The following FCHSD2 variants were observed in gnomAD, a reference collection of about 807,000 sequenced individuals.
FCHSD2 encodes the protein F-BAR and double SH3 domains protein 2.
FCHSD2 carries 38 observed loss-of-function variants against 108.1 expected under a neutral mutation model. The ratio of observed to expected loss-of-function variants is 0.35; its 90% CI spans 0.27 to 0.46. The LOEUF (loss-of-function observed/expected upper bound fraction) is 0.46, where lower values mean the gene tolerates loss of function less well. FCHSD2 is among the 20% of genes least tolerant of loss of function. The pLI is 1.00. For synonymous variants in FCHSD2, 279 were observed against 314.7 expected (o/e 0.89, Z 1.20); for missense variants, 751 against 897.8 (o/e 0.84, Z 2.09).
intron 2 of FCHSD2, among the ~76,000 whole-genome samples, chr11:73,124,214 A>G (rs1447070307): frequency 6.6e-6 from 1 of 152,168 alleles, no homozygotes; most frequent in Non-Finnish European, 1.5e-5. Flanking sequence ...GAACAATGAG[A>G]ACACCTGGAC....
chr11:73,137,014 C>T (rs1323596760), intron 2 of FCHSD2, among the ~76,000 whole-genome samples: 2 of 152,038 alleles, frequency 1.3e-5, no homozygotes, highest in Non-Finnish European at 2.9e-5. Flanking sequence ...GCCAACAGAG[C>T]GAGACTTTGT....
chr11:72,896,319 T>G (rs1855416872), intron 10 of FCHSD2, among the ~76,000 whole-genome samples: 1 of 152,200 alleles, frequency 6.6e-6, no homozygotes, highest in Admixed American at 6.5e-5. Flanking sequence ...AGTTTCCGTG[T>G]TTTTCCTGCC....
chr11:72,851,661 T>C (rs1861291850), intron 13 of FCHSD2, among the ~76,000 whole-genome samples: 1 of 152,066 alleles, frequency 6.6e-6, no homozygotes, highest in African/African-American at 2.4e-5. Flanking sequence ...GAGAATTGCT[T>C]GAACCTGGGA....
chr11:72,841,410 T>G, intron 18 of FCHSD2, 44 bp downstream of exon 18: 1 of 1,541,838 alleles, frequency 6.5e-7, no homozygotes, highest in Non-Finnish European at 8.9e-7. Flanking sequence ...TGTAGGTTTC[T>G]GAAGTGAAAA....
intron 10 of FCHSD2, 45 bp downstream of exon 10, chr11:72,902,498 A>C (rs369393504): frequency 9.4e-5 from 127 of 1,350,146 alleles, no homozygotes; most frequent in Non-Finnish European, 1.3e-4. Context: ...TTAAGCACAA[A>C]CACAACTGAA....
intron 3 of FCHSD2, among the ~76,000 whole-genome samples, chr11:73,017,353 A>G (rs1370648804): frequency 6.6e-6 from 1 of 152,186 alleles, no homozygotes; most frequent in Non-Finnish European, 1.5e-5. Flanking sequence ...GGTTATAGAA[A>G]TCATTAACAT....
Position 72,999,011 on chromosome 11 carries a change from C to T in FCHSD2, c.387+1979G>A, listed in dbSNP as rs536659622. ...TGGAGAGAGTTGTTAGTGAGTGAAG[C>T]CATTCAGAAAAGCAGAGCTAATGGA... On this transcript the variant is annotated intron_variant, in intron 5 of 19. Transcript: ENST00000409418. Among the ~76,000 whole-genome samples the T allele has an allele frequency of 4.6e-5, 7 of 152,252 alleles. No individual in the cohort carries two copies. The East Asian group carries it at 1.4e-3, about 29-fold the overall frequency.
At chr11:72,891,901 CTGTTAA>C (rs1177091265) in intron 10 of FCHSD2, among the ~76,000 whole-genome samples, 1 of 152,140 alleles carries the variant, frequency 6.6e-6, no homozygotes, top group Non-Finnish European at 1.5e-5. Flanking sequence ...GTAATGGTAA[CTGTTAA>C]TGTTAAAGAC....
chr11:72,929,154 G>C (rs1429573525), intron 8 of FCHSD2, among the ~76,000 whole-genome samples: 2 of 152,100 alleles, frequency 1.3e-5, no homozygotes, highest in African/African-American at 4.8e-5. Context: ...CCAAGTCTTT[G>C]CTATTGTGAA....
intron 13 of FCHSD2, among the ~76,000 whole-genome samples, chr11:72,854,090 A>G (rs1339443573): frequency 6.6e-6 from 1 of 152,206 alleles, no homozygotes; most frequent in Non-Finnish European, 1.5e-5. Context: ...AGTGTTGACA[A>G]GGATGTGGAA....
chr11:72,961,343 A>G (rs907636116), intron 8 of FCHSD2, among the ~76,000 whole-genome samples: 2 of 151,702 alleles, frequency 1.3e-5, no homozygotes, highest in Admixed American at 1.3e-4. Flanking sequence ...CCCACCTCAG[A>G]CTTCCAAGTA....
intron 3 of FCHSD2, among the ~76,000 whole-genome samples, chr11:73,023,377 G>A (rs1381444733): frequency 6.6e-6 from 1 of 152,100 alleles, no homozygotes; most frequent in East Asian, 1.9e-4. Flanking sequence ...AATGGGCAAA[G>A]GATCTGAAAA....
chr11:73,125,610 C>A (rs1202725576), intron 2 of FCHSD2, among the ~76,000 whole-genome samples: 1 of 151,872 alleles, frequency 6.6e-6, no homozygotes, highest in African/African-American at 2.4e-5. Context: ...GAGGCTGAGG[C>A]AAGAGGACTG....
chr11:72,905,492 G>T (rs1280946138), intron 9 of FCHSD2, among the ~76,000 whole-genome samples: 7 of 152,092 alleles, frequency 4.6e-5, no homozygotes, highest in African/African-American at 7.2e-5. Flanking sequence ...ACAACGTGCA[G>T]GTTTGTTACA....
intron 2 of FCHSD2, among the ~76,000 whole-genome samples, chr11:73,090,476 C>T (rs1024274720): frequency 6.6e-6 from 1 of 152,050 alleles, no homozygotes; most frequent in Non-Finnish European, 1.5e-5. Context: ...CCGCCCGCCT[C>T]GGCCTCCCAA....
intron 2 of FCHSD2, among the ~76,000 whole-genome samples, chr11:73,138,683 A>T (rs1285814150): frequency 6.9e-6 from 1 of 144,256 alleles, no homozygotes; most frequent in African/African-American, 2.6e-5. Flanking sequence ...ATCTCGGCTC[A>T]CTGCAACCTC....
chr11:72,970,427 T>C (rs1157101158), intron 8 of FCHSD2, among the ~76,000 whole-genome samples: 1 of 152,232 alleles, frequency 6.6e-6, no homozygotes, highest in African/African-American at 2.4e-5. Context: ...AAACTGCATT[T>C]AAAACTAAGA....
intron 3 of FCHSD2, among the ~76,000 whole-genome samples, chr11:73,068,813 T>TAAAAAAAAA (rs1237723120): frequency 4.3e-4 from 36 of 82,924 alleles, no homozygotes; most frequent in African/African-American, 5.7e-4. Context: ...CTACAAAAAG[T>TAAAAAAAAA]AAAAAAAAAA....
chr11:72,927,452 G>A (rs1402616800), intron 8 of FCHSD2, among the ~76,000 whole-genome samples: 4 of 152,212 alleles, frequency 2.6e-5, no homozygotes, highest in African/African-American at 9.7e-5. Flanking sequence ...TCTGATGGGG[G>A]ATGTTGATAG....
Sources: gnomAD v4.1 joint callset for allele counts (sites outside exome capture counted in the v4.1 genomes callset) on GRCh38, gnomAD v4.1.1 for gene constraint, MANE v1.5 for transcripts, NCBI Gene and HGNC (gene_info 2026-07-23, HGNC 2026-07-21) for gene names.